IDH3A: variants seen among roughly 807,000 people sequenced by gnomAD.
IDH3A encodes isocitrate dehydrogenase (NAD(+)) 3 catalytic subunit alpha, also known as isocitrate dehydrogenase [NAD] subunit alpha, mitochondrial.
In IDH3A, 23 loss-of-function variants were observed where a neutral mutation model predicts 43.3. The ratio of observed to expected loss-of-function variants is 0.53; its 90% confidence interval spans 0.38 to 0.75. IDH3A has a LOEUF of 0.75. Among genes scored for constraint, IDH3A ranks in the 30% least tolerant of loss-of-function variants. The pLI is 0.00. For missense variants in IDH3A, 329 were observed against 474.4 expected, an observed-to-expected ratio of 0.69 and a Z score of 2.85; for synonymous variants, 154 against 163.5, an observed-to-expected ratio of 0.94 and a Z score of 0.44.
intron 1 of IDH3A, among the ~76,000 whole-genome samples, chr15:78,152,639 C>T (rs981263786): frequency 2.6e-5 from 4 of 152,300 alleles, no homozygotes; most frequent in Non-Finnish European, 5.9e-5. Context: ...GGATTACAGG[C>T]GTGAGCCACC....
intron 6 of IDH3A, among the ~76,000 whole-genome samples, chr15:78,163,219 A>T (rs568181791): frequency 1.3e-5 from 2 of 152,350 alleles, no homozygotes; most frequent in East Asian, 1.9e-4. Context: ...AATTTTAATA[A>T]TATTAGTGGG....
chr15:78,168,469 A>G (rs1567074229), intron 10 of IDH3A: 1 of 152,208 alleles, frequency 6.6e-6, no homozygotes, highest in South Asian at 2.1e-4. Flanking sequence ...AGCCTGGGCA[A>G]CAGAGTGAGA....
At position 78,160,072 on chromosome 15, in the gene IDH3A, C is replaced by T. The variant is rs765012682; in HGVS notation, c.175-20C>T. The T allele has an allele frequency of 1.4e-5, 20 of 1,407,304 alleles. No homozygotes were observed. The highest frequency in any genetic ancestry group is 2.0e-5 in the Non-Finnish European group (20 of 991,250). 87.2% of individuals were successfully genotyped at this position (1,407,304 alleles called of 1,614,324 possible). A position where few individuals can be genotyped will look rare whatever the true frequency, so the allele number is the denominator to read the frequency against. ...CTTTAAGTCTCTCCAGCTCACTGTG[C>T]TCTGTGATGTGGCATCTAGGCACCT... On this transcript the variant is annotated intron_variant, in intron 3 of 10. Transcript: ENST00000299518.
intron 1 of IDH3A, among the ~76,000 whole-genome samples, chr15:78,152,926 G>T (rs1347447943): frequency 6.6e-6 from 1 of 150,696 alleles, no homozygotes; most frequent in Non-Finnish European, 1.5e-5. Flanking sequence ...TTGTTGTTTT[G>T]TTTTTTTTTA....
In IDH3A at chr15:78,149,425, T is replaced by G; in HGVS notation, c.22T>G (p.Ser8Ala). 4 of 1,552,890 alleles carry G rather than the reference T, an allele frequency of 2.6e-6. No homozygotes were observed. The South Asian group carries it at 4.7e-5, about 18-fold the overall frequency. ...AGCGATGGCTGGGCCCGCGTGGATC[T>G]CTAAGGTGAGCGCTGGCAGGCCGGC... MAGPAWI[S>A]KVSRLLGAFH... Residue 8 changes from serine (S) to alanine (A), a missense_variant, in exon 1 of 11, where the codon TCT (serine) becomes GCT (alanine). Ser to Ala is a moderately conservative substitution (Grantham distance 99). Transcript: ENST00000299518.
intron 10 of IDH3A, chr15:78,168,633 G>A (rs1406338715): frequency 3.8e-6 from 1 of 262,272 alleles, no homozygotes; most frequent in Non-Finnish European, 7.2e-6. Flanking sequence ...CTGGGTTAGG[G>A]TCTATTGTGT....
At chr15:78,160,739 C>T (rs1481740909) in intron 4 of IDH3A, among the ~76,000 whole-genome samples, 1 of 152,242 alleles carries the variant, frequency 6.6e-6, no homozygotes, top group Non-Finnish European at 1.5e-5. Context: ...AGCAATCCTT[C>T]TGCCTCTGCC....
chr15:78,168,879 G>C (rs2074784837), intron 10 of IDH3A, 43 bp from the exon 11 acceptor site: 4 of 1,320,450 alleles, frequency 3.0e-6, no homozygotes, highest in Non-Finnish European at 3.3e-6. Context: ...GTTTAGTTTA[G>C]TTTGCGGATA....
intron 1 of IDH3A, among the ~76,000 whole-genome samples, chr15:78,154,053 G>A (rs946669856): frequency 6.6e-6 from 1 of 151,890 alleles, no homozygotes; most frequent in African/African-American, 2.4e-5. Context: ...TTTGGTCTAT[G>A]TACCCAGTTT....
intron 1 of IDH3A, among the ~76,000 whole-genome samples, chr15:78,153,975 A>T (rs537223829): frequency 1.5e-4 from 23 of 152,084 alleles, no homozygotes; most frequent in Admixed American, 1.4e-3. Context: ...GCACCATTGC[A>T]CTCCAGCCTG....
chr15:78,171,672 A>G lies in IDH3A; in HGVS notation c.*2667A>G. On this transcript the variant is annotated 3_prime_UTR_variant, in exon 11 of 11. Coordinates refer to ENST00000299518, the MANE Select transcript of IDH3A (RefSeq NM_005530.3). ...GGACCGTCAGTAGCCAGCCTCCAAGACAGTGATCGCTCCTGGTATTCATAT... is the reference window on the plus strand; with the variant it reads ...GGACCGTCAGTAGCCAGCCTCCAAGGCAGTGATCGCTCCTGGTATTCATAT... 1 of 643,858 alleles carries G rather than the reference A, an allele frequency of 1.6e-6. No homozygotes were observed. The highest frequency in any genetic ancestry group is 2.7e-6 in the Non-Finnish European group (1 of 364,670). The allele number at this position is 643,858 out of a possible 1,614,324, so 39.9% of individuals were successfully genotyped here.
chr15:78,153,644 C>T (rs2074598257), intron 1 of IDH3A, among the ~76,000 whole-genome samples: 1 of 152,084 alleles, frequency 6.6e-6, no homozygotes, highest in Non-Finnish European at 1.5e-5. Flanking sequence ...AAGGTTCAGA[C>T]CCCAGAAAAA....
At chr15:78,164,655 G>A (rs2074720044) in intron 8 of IDH3A, among the ~76,000 whole-genome samples, 2 of 152,096 alleles carry the variant, frequency 1.3e-5, no homozygotes, top group Non-Finnish European at 1.5e-5. Context: ...CCCAGCTGTG[G>A]ACATGGTTTT....
In IDH3A at chr15:78,170,586, TC is replaced by T. The variant is rs2074807662; in HGVS notation, c.*1582del. ...CTGTTTCCTGTTCAGATGCCTTCGG[TC>T]ATTTTGGCTCAGCTTGCTACTGAGA... is the stretch of plus-strand genomic sequence containing the variant. On this transcript the variant is annotated 3_prime_UTR_variant, in exon 11 of 11. Transcript: ENST00000299518. 1.3e-5 allele frequency: 2 copies of T among 152,352 alleles called. No homozygotes were observed. The highest frequency in any genetic ancestry group is 2.9e-5 in the Non-Finnish European group (2 of 68,042). The allele number at this position is 152,352 out of a possible 1,614,324, so 9.4% of individuals were successfully genotyped here. A position where few individuals can be genotyped will look rare whatever the true frequency, so the allele number is the denominator to read the frequency against.
chr15:78,162,611 T>A (rs1300473435), intron 6 of IDH3A, among the ~76,000 whole-genome samples: 1 of 149,184 alleles, frequency 6.7e-6, no homozygotes, highest in Non-Finnish European at 1.5e-5. Context: ...AGTGGCGCGA[T>A]CTTGGCTCAC....
chr15:78,160,305 T>C, intron 4 of IDH3A, 99 bp downstream of exon 4: 1 of 664,434 alleles, frequency 1.5e-6, no homozygotes, highest in South Asian at 1.7e-5. Context: ...GGCCTGGCCA[T>C]CTGTGAAGGT....
In IDH3A at chr15:78,171,357, G is replaced by A; in HGVS notation, c.*2352G>A. The A allele has an allele frequency of 8.9e-7, 1 of 1,122,478 alleles. No homozygotes were observed. The highest frequency in any genetic ancestry group is 1.4e-5 in the South Asian group (1 of 72,922). 69.5% of individuals were successfully genotyped at this position (1,122,478 alleles called of 1,614,324 possible). ...TCTAACAGACTTGGCAGAAATGCCT[G>A]TGCCCAGACTGAAGAGACCTGGGGC... On this transcript the variant is annotated 3_prime_UTR_variant, in exon 11 of 11. Coordinates refer to ENST00000299518, the MANE Select transcript of IDH3A (RefSeq NM_005530.3).
In IDH3A at chr15:78,169,053, A is replaced by G; in HGVS notation, c.*48A>G. 8.5e-7 allele frequency: 1 copy of G among 1,178,066 alleles called. No individual in the cohort carries two copies. The highest frequency in any genetic ancestry group is 1.3e-6 in the Non-Finnish European group (1 of 793,446). 73.0% of individuals were successfully genotyped at this position (1,178,066 alleles called of 1,614,324 possible). ...ATCAGTCACTCTAAATGGACACCAC[A>G]TGAACCTCTGTTTAGAATACCTACG... On this transcript the variant is annotated 3_prime_UTR_variant, in exon 11 of 11. Coordinates refer to ENST00000299518, the MANE Select transcript of IDH3A (RefSeq NM_005530.3).
At position 78,161,506 on chromosome 15, in the gene IDH3A, C is replaced by T. The variant is rs1489423720; in HGVS notation, c.290-75C>T. 1.5e-5 allele frequency: 17 copies of T among 1,161,366 alleles called. No individual in the cohort carries two copies. The highest frequency in any genetic ancestry group is 2.0e-5 in the Non-Finnish European group (16 of 800,204). 71.9% of individuals were successfully genotyped at this position (1,161,366 alleles called of 1,614,324 possible). A position where few individuals can be genotyped will look rare whatever the true frequency, so the allele number is the denominator to read the frequency against. ...AGGCAGAACACATTTCACAAGGTAG[C>T]CGAGGTGGGTTAGTAGGTCACACGT... On this transcript the variant is annotated intron_variant, in intron 4 of 10. Transcript: ENST00000299518. The surrounding 1 kb of genome is among the most constrained non-coding windows in gnomAD (Gnocchi z 4.8).
Sources: allele counts gnomAD v4.1 joint callset (sites outside exome capture counted in the v4.1 genomes callset), GRCh38; gene constraint gnomAD v4.1.1; non-coding constraint Gnocchi (gnomAD v3.1); transcripts MANE v1.5; gene names NCBI Gene and HGNC (gene_info 2026-07-23, HGNC 2026-07-21).